The following TBC1D2B variants were observed in gnomAD, a reference collection of about 807,000 sequenced individuals.
The protein encoded by TBC1D2B is TBC1 domain family, member 2B.
TBC1D2B carries 64 observed loss-of-function variants against 100.8 expected under a neutral mutation model. That is an observed-to-expected ratio of 0.64 (90% confidence interval 0.52 to 0.78). TBC1D2B has a LOEUF of 0.78. Among genes scored for constraint, TBC1D2B ranks in the 30% least tolerant of loss-of-function variants. The pLI, the probability that TBC1D2B is intolerant of heterozygous loss-of-function variation, is 0.00. For missense variants in TBC1D2B, 1,052 were observed against 1,218.4 expected (o/e 0.86, Z 2.03); for synonymous variants, 480 against 479.7 (o/e 1.00, Z -0.01).
chr15:78,030,187 T>C lies in TBC1D2B; in HGVS notation c.684-17A>G, dbSNP rs2072774974. The C allele has an allele frequency of 1.3e-6, 2 of 1,599,182 alleles. No homozygotes were observed. The highest frequency in any genetic ancestry group is 1.7e-6 in the Non-Finnish European group (2 of 1,172,980). Reference sequence around the variant, plus strand: ...ATCGAATTCCTGTTGGGAAAAACAATATGTGTTATTAACAAAAACAAAAGT... The same window carrying C: ...ATCGAATTCCTGTTGGGAAAAACAACATGTGTTATTAACAAAAACAAAAGT... On this transcript the variant is annotated splice_polypyrimidine_tract_variant and intron_variant, in intron 3 of 12. Coordinates refer to ENST00000300584, the MANE Select transcript of TBC1D2B (RefSeq NM_144572.2).
intron 12 of TBC1D2B, 74 bp downstream of exon 12, chr15:78,001,545 G>C (rs1443961512): frequency 1.3e-6 from 2 of 1,501,514 alleles, no homozygotes; most frequent in Non-Finnish European, 1.8e-6. Context: ...AGACAGCAAG[G>C]ACAGGCTGCT....
chr15:78,060,820 G>C (rs2073528051), intron 1 of TBC1D2B, among the ~76,000 whole-genome samples: 1 of 151,932 alleles, frequency 6.6e-6, no homozygotes, highest in Non-Finnish European at 1.5e-5. Context: ...GGGAGGCCGA[G>C]ACAGGAGAAT....
intron 1 of TBC1D2B, among the ~76,000 whole-genome samples, chr15:78,059,620 C>G (rs1184403797): frequency 3.3e-5 from 5 of 152,064 alleles, no homozygotes; most frequent in Non-Finnish European, 7.4e-5. Flanking sequence ...CAGTCCTTGA[C>G]AGCTGGCTGA....
At chr15:78,007,879 A>G (rs1380277178) in intron 10 of TBC1D2B, among the ~76,000 whole-genome samples, 1 of 152,186 alleles carries the variant, frequency 6.6e-6, no homozygotes, top group Non-Finnish European at 1.5e-5. Flanking sequence ...GGGAGAGGGA[A>G]AACCCCTTCA....
At chr15:78,051,918 C>T (rs1488334923) in intron 2 of TBC1D2B, among the ~76,000 whole-genome samples, 1 of 152,200 alleles carries the variant, frequency 6.6e-6, no homozygotes, top group Non-Finnish European at 1.5e-5. Flanking sequence ...TCACATACTG[C>T]TCTGGGGCCC....
chr15:78,055,726 A>G (rs759726174), intron 1 of TBC1D2B, among the ~76,000 whole-genome samples: 6 of 152,246 alleles, frequency 3.9e-5, no homozygotes, highest in Non-Finnish European at 8.8e-5. Context: ...GGTATTTTAC[A>G]GAAAGTTCTT....
chr15:78,012,167 G>A (rs1340888670), intron 9 of TBC1D2B, among the ~76,000 whole-genome samples: 1 of 152,220 alleles, frequency 6.6e-6, no homozygotes, highest in African/African-American at 2.4e-5. Context: ...CAGAAAGCGC[G>A]CCAGCCAGGT....
intron 1 of TBC1D2B, among the ~76,000 whole-genome samples, chr15:78,057,886 G>C (rs1401111808): frequency 1.3e-5 from 2 of 152,210 alleles, no homozygotes; most frequent in African/African-American, 2.4e-5. Context: ...AAAAGCCTCT[G>C]CGTTTTTTAT....
At chr15:78,019,905 G>C (rs569597559) in intron 6 of TBC1D2B, among the ~76,000 whole-genome samples, 2 of 151,608 alleles carry the variant, frequency 1.3e-5, no homozygotes, top group Non-Finnish European at 1.5e-5. Flanking sequence ...AAAAAAAGGG[G>C]GGGGGAGACA....
At position 77,996,886 on chromosome 15, in the gene TBC1D2B, G is replaced by C. The variant is rs537567569; in HGVS notation, c.*1274C>G. The C allele has an allele frequency of 6.6e-6, 1 of 152,228 alleles. No individual in the cohort carries two copies. Among genetic ancestry groups the C allele is most frequent in the South Asian group, 2.1e-4 (1 of 4,818 alleles). 9.4% of individuals were successfully genotyped at this position (152,228 alleles called of 1,614,324 possible). On this transcript the variant is annotated 3_prime_UTR_variant, in exon 13 of 13. Transcript: ENST00000300584. ...ACATCCTCTCACATCTACGCATCAG[G>C]GATGGTCTAGAGCGATTAAGCAAAA... is the stretch of plus-strand genomic sequence containing the variant.
intron 6 of TBC1D2B, among the ~76,000 whole-genome samples, chr15:78,020,658 A>T (rs1046531467): frequency 6.6e-6 from 1 of 152,220 alleles, no homozygotes; most frequent in Non-Finnish European, 1.5e-5. Flanking sequence ...TCCAGAGGCC[A>T]TGCTCAATGT....
chr15:78,024,080 C>T (rs1415574304), intron 6 of TBC1D2B, 76 bp downstream of exon 6: 10 of 1,498,658 alleles, frequency 6.7e-6, no homozygotes, highest in East Asian at 2.3e-5. Context: ...ACCAAATCAG[C>T]TCACGGAGGC....
At chr15:78,063,635 G>A (rs542225846) in intron 1 of TBC1D2B, among the ~76,000 whole-genome samples, 1 of 152,226 alleles carries the variant, frequency 6.6e-6, no homozygotes, top group South Asian at 2.1e-4. Context: ...GTCTATGATG[G>A]CCAACATGGT....
intron 2 of TBC1D2B, among the ~76,000 whole-genome samples, chr15:78,048,546 G>C (rs1273298952): frequency 6.6e-6 from 1 of 152,202 alleles, no homozygotes; most frequent in Non-Finnish European, 1.5e-5. Flanking sequence ...TTGGTGTTTA[G>C]ACCTCTGTCT....
chr15:78,018,167 G>GT (rs1409298228), intron 6 of TBC1D2B, among the ~76,000 whole-genome samples: 1 of 152,198 alleles, frequency 6.6e-6, no homozygotes, highest in Non-Finnish European at 1.5e-5. Context: ...CATGACTGCC[G>GT]TAACGGAGAT....
rs149216658 is a variant in TBC1D2B at position 78,001,672 on chromosome 15, C to T, written c.2643G>A (p.Ser881=). 207 of 1,607,974 alleles carry T rather than the reference C, an allele frequency of 1.3e-4. 1 individual carries two copies. The African/African-American group carries it at 2.2e-3, about 17-fold the overall frequency. ...AGCGGAGATACTTAAATATAGACATCGAATCTTGCAATTTCAAAATCTCCT... is the reference window on the plus strand; with the variant it reads ...AGCGGAGATACTTAAATATAGACATTGAATCTTGCAATTTCAAAATCTCCT... The part of the protein sequence containing the change: ...KEEEILKLQD[S]MSIFKYLRYF... Residue 881 remains serine, a synonymous_variant, in exon 12 of 13, where the codon TCG becomes TCA. Coordinates refer to ENST00000300584, the MANE Select transcript of TBC1D2B (RefSeq NM_144572.2).
intron 9 of TBC1D2B, among the ~76,000 whole-genome samples, chr15:78,012,003 G>A (rs575681436): frequency 5.9e-5 from 9 of 152,198 alleles, no homozygotes; most frequent in East Asian, 3.9e-4. Flanking sequence ...TCAAACTCCC[G>A]GGCTCAAGCG....
In TBC1D2B at chr15:78,054,165, G is replaced by A; in HGVS notation, c.383C>T (p.Thr128Ile). The A allele has an allele frequency of 1.2e-6, 2 of 1,612,862 alleles. No individual in the cohort carries two copies. The highest frequency in any genetic ancestry group is 1.7e-6 in the Non-Finnish European group (2 of 1,179,582). ...VLKAPNRQLM[T>I]YWLQELQQKR... is the part of the protein sequence containing the mutation. ...CTGCTGAAGCTCCTGTAACCAGTAA[G>A]TCATGAGTTGACGATTGGGAGCCTA... The change falls in exon 2 of 13, where the codon ACT becomes ATT. Residue 128 changes from threonine (T) to isoleucine (I), a missense_variant. Around this residue, in one of 4 missense-constraint regions of TBC1D2B, gnomAD observed 627 missense variants for 646.1 expected, o/e 0.97. Coordinates refer to ENST00000300584, the MANE Select transcript of TBC1D2B (RefSeq NM_144572.2).
rs568014556 is a variant in TBC1D2B, at chr15:78,011,043, G to A, written c.2270+1780C>T. Among the ~76,000 whole-genome samples the A allele has an allele frequency of 2.1e-3, 318 of 152,258 alleles. 4 individuals carry two copies. The South Asian group carries it at 0.023, about 11-fold the overall frequency. ...TCCAGCTTCCAGGAATTTTTAGATTGAGTATGCAATGTGAATGGTGGCTTT... is the reference window on the plus strand; with the variant it reads ...TCCAGCTTCCAGGAATTTTTAGATTAAGTATGCAATGTGAATGGTGGCTTT... On this transcript the variant is annotated intron_variant, in intron 9 of 12. Coordinates refer to ENST00000300584, the MANE Select transcript of TBC1D2B (RefSeq NM_144572.2).
Sources: allele counts gnomAD v4.1 joint callset (sites outside exome capture counted in the v4.1 genomes callset), GRCh38; gene constraint gnomAD v4.1.1; regional missense constraint gnomAD v4.1.1; transcripts MANE v1.5; gene names NCBI Gene and HGNC (gene_info 2026-07-23, HGNC 2026-07-21).